CNTN5: variants seen among roughly 807,000 people sequenced by gnomAD.
CNTN5 encodes the protein contactin 5.
In CNTN5, 77 loss-of-function variants were observed where a neutral mutation model predicts 129.1. The observed-to-expected ratio is 0.60, with a 90% CI of 0.50 to 0.72. CNTN5 has a LOEUF of 0.72. Ranked by LOEUF, CNTN5 falls within the 30% of genes least tolerant of loss-of-function variation. CNTN5 has a pLI of 0.00. For missense variants in CNTN5, 1,478 were observed against 1,328.8 expected, an observed-to-expected ratio of 1.11 and a Z score of -1.75; for synonymous variants, 509 against 465.6, an observed-to-expected ratio of 1.09 and a Z score of -1.20.
chr11:99,239,810 G>A (rs369518758), intron 1 of CNTN5, among the ~76,000 whole-genome samples: 8 of 152,016 alleles, frequency 5.3e-5, no homozygotes, highest in Admixed American at 1.3e-4. Flanking sequence ...GGTGGCGGGC[G>A]CCTGTAGTCC....
rs1947636152 is a variant in CNTN5 at position 99,844,947 on chromosome 11, G to A, written c.373G>A (p.Val125Ile). The change falls in exon 5 of 25, where the codon GTT becomes ATT. Residue 125 changes from valine to isoleucine, a missense_variant. By Grantham distance (29) the Val-to-Ile change is conservative. Transcript: ENST00000524871. ...DEKKVALNCEVRGNPVPSYRW... is the reference protein window; with the variant it reads ...DEKKVALNCEIRGNPVPSYRW... ...AAAGAAGGTAGCATTGAATTGTGAA[G>A]TTCGTGGCAATCCAGTTCCCAGTTA... 1.2e-6 allele frequency: 2 copies of A among 1,613,604 alleles called. No homozygotes were observed. Among genetic ancestry groups the A allele is most frequent in the Non-Finnish European group, 1.7e-6 (2 of 1,179,784 alleles).
At chr11:100,230,886 T>C (rs994726102) in intron 16 of CNTN5, among the ~76,000 whole-genome samples, 4 of 152,224 alleles carry the variant, frequency 2.6e-5, no homozygotes, top group African/African-American at 9.6e-5. Context: ...GATTTATAAA[T>C]TGTAAGATGA....
chr11:99,131,703 G>A (rs567921479), intron 1 of CNTN5, among the ~76,000 whole-genome samples: 21 of 152,230 alleles, frequency 1.4e-4, no homozygotes, highest in African/African-American at 4.3e-4. Flanking sequence ...GAAGCACAAA[G>A]AAGTTGAATC....
At chr11:99,364,182 T>C (rs1443319335) in intron 2 of CNTN5, among the ~76,000 whole-genome samples, 1 of 151,852 alleles carries the variant, frequency 6.6e-6, no homozygotes, top group Non-Finnish European at 1.5e-5. Flanking sequence ...ATTCATGTGA[T>C]AATTGTGTTT....
intron 3 of CNTN5, among the ~76,000 whole-genome samples, chr11:99,724,150 T>G (rs1432641373): frequency 1.3e-5 from 2 of 152,164 alleles, no homozygotes; most frequent in African/African-American, 4.8e-5. Context: ...AACAGGCTCC[T>G]CTTCAGTGCC....
At chr11:99,118,213 A>C (rs959182153) in intron 1 of CNTN5, among the ~76,000 whole-genome samples, 1 of 152,178 alleles carries the variant, frequency 6.6e-6, no homozygotes, top group South Asian at 2.1e-4. Flanking sequence ...AATATGTGAG[A>C]GTACCACACG....
intron 8 of CNTN5, among the ~76,000 whole-genome samples, chr11:100,000,196 A>T (rs1309645292): frequency 6.6e-6 from 1 of 152,108 alleles, no homozygotes; most frequent in Non-Finnish European, 1.5e-5. Context: ...AAAAAGTCCA[A>T]GTCCAAAGTC....
At chr11:99,400,555 C>T (rs566386378) in intron 2 of CNTN5, among the ~76,000 whole-genome samples, 1 of 152,072 alleles carries the variant, frequency 6.6e-6, no homozygotes, top group Non-Finnish European at 1.5e-5. Context: ...GTGCAGATAT[C>T]TCTTCCACGA....
intron 3 of CNTN5, among the ~76,000 whole-genome samples, chr11:99,608,511 C>G (rs1052171849): frequency 5.3e-5 from 8 of 152,118 alleles, no homozygotes; most frequent in Non-Finnish European, 7.4e-5. Context: ...AGATTGGGAC[C>G]TAATCCAGTA....
intron 1 of CNTN5, among the ~76,000 whole-genome samples, chr11:99,106,994 A>G (rs996850469): frequency 1.3e-5 from 2 of 152,186 alleles, no homozygotes; most frequent in African/African-American, 4.8e-5. Flanking sequence ...CCAAAAATTC[A>G]TAAAACTCAA....
At chr11:99,040,011 G>A (rs1304108225) in intron 1 of CNTN5, among the ~76,000 whole-genome samples, 7 of 151,994 alleles carry the variant, frequency 4.6e-5, no homozygotes, top group South Asian at 4.1e-4. Context: ...ATTTACTGAC[G>A]GTTCAGTTTC....
chr11:99,174,152 C>T (rs1857664972), intron 1 of CNTN5, among the ~76,000 whole-genome samples: 1 of 152,020 alleles, frequency 6.6e-6, no homozygotes, highest in South Asian at 2.1e-4. Flanking sequence ...GTGCCTGCCA[C>T]CACGCCTGAC....
At position 99,696,710 on chromosome 11, in the gene CNTN5, A is replaced by G. The variant is rs540802086; in HGVS notation, c.56-122834A>G. ...TTATATTTTTTATGACAGAAAGAAA[A>G]CAGTTCCATGTTTTTATAAATAGTC... On this transcript the variant is annotated intron_variant, in intron 3 of 24. Transcript: ENST00000524871. Among the ~76,000 whole-genome samples, 3 of 152,032 alleles carry G rather than the reference A, an allele frequency of 2.0e-5. No homozygotes were observed. The South Asian group carries it at 6.2e-4, about 32-fold the overall frequency.
At chr11:100,089,833 G>A (rs1944689121) in intron 13 of CNTN5, among the ~76,000 whole-genome samples, 1 of 152,066 alleles carries the variant, frequency 6.6e-6, no homozygotes, top group South Asian at 2.1e-4. Flanking sequence ...CTTATAAGTG[G>A]GAGCTGAACA....
At chr11:100,205,168 G>A (rs372290876) in intron 15 of CNTN5, among the ~76,000 whole-genome samples, 1 of 151,840 alleles carries the variant, frequency 6.6e-6, no homozygotes, top group Non-Finnish European at 1.5e-5. Flanking sequence ...CAAAGAGTTG[G>A]GTTTTTGAGA....
At chr11:100,344,015 A>T (rs186421687) in intron 23 of CNTN5, among the ~76,000 whole-genome samples, 38 of 152,256 alleles carry the variant, frequency 2.5e-4, no homozygotes, top group African/African-American at 8.9e-4. Flanking sequence ...CATTTGAAGC[A>T]GAAAACTTCT....
Position 100,356,267 on chromosome 11 carries a change from C to A in CNTN5, c.*47C>A, listed in dbSNP as rs191897589. The A allele has an allele frequency of 7.9e-7, 1 of 1,264,862 alleles. No homozygotes were observed. Among genetic ancestry groups the A allele is most frequent in the Non-Finnish European group, 1.1e-6 (1 of 881,896 alleles). 78.4% of individuals were successfully genotyped at this position (1,264,862 alleles called of 1,614,324 possible). A position where few individuals can be genotyped will look rare whatever the true frequency, so the allele number is the denominator to read the frequency against. On this transcript the variant is annotated 3_prime_UTR_variant, in exon 25 of 25. Transcript: ENST00000524871. ...TTTGTTTGCTTTAGCTTGGTAACAG[C>A]GGTGAATAGAGTGTAGTGTAAGTGG...
intron 2 of CNTN5, among the ~76,000 whole-genome samples, chr11:99,337,652 C>T (rs1275922252): frequency 6.6e-6 from 1 of 152,132 alleles, no homozygotes; most frequent in Non-Finnish European, 1.5e-5. Context: ...GGACATGTTA[C>T]ATTGCTGCAG....
chr11:99,235,050 TTC>T (rs199510890), intron 1 of CNTN5, among the ~76,000 whole-genome samples: 380 of 57,346 alleles, frequency 6.6e-3, no homozygotes, highest in African/African-American at 0.022. Context: ...CCTACCCTTT[TTC>T]TTTTTTTGGA....
Sources: gnomAD v4.1 joint callset for allele counts (sites outside exome capture counted in the v4.1 genomes callset) on GRCh38, gnomAD v4.1.1 for gene constraint, MANE v1.5 for transcripts, NCBI Gene and HGNC (gene_info 2026-07-23, HGNC 2026-07-21) for gene names.